NOL4: variants seen among roughly 807,000 people sequenced by gnomAD.
The protein encoded by NOL4 is nucleolar protein 4, also known as cancer/testis antigen 125.
A neutral mutation model predicts 75.9 loss-of-function variants in NOL4; 17 were observed. That is an observed-to-expected ratio of 0.22 (90% confidence interval 0.15 to 0.34). The LOEUF (loss-of-function observed/expected upper bound fraction) is 0.34. Ranked by LOEUF, NOL4 falls within the 10% of genes least tolerant of loss-of-function variation. The pLI is 1.00. For synonymous variants in NOL4, 292 were observed against 289.9 expected (o/e 1.01, Z -0.07); for missense variants, 614 against 793.5 (o/e 0.77, Z 2.72).
Position 34,001,001 on chromosome 18 carries a change from T to C in NOL4, c.1056+18317A>G, listed in dbSNP as rs569227080. 3.9e-5 allele frequency among the ~76,000 whole-genome samples: 6 copies of C among 152,240 alleles called. No homozygotes were observed. In the East Asian group the frequency reaches 1.2e-3, roughly 30 times the overall value. On this transcript the variant is annotated intron_variant, in intron 6 of 10. Coordinates refer to ENST00000261592, the MANE Select transcript of NOL4 (RefSeq NM_003787.5). ...TAACAAAAATAAAATGTAAACAGTT[T>C]AAACTCTGAAATGGTAGGTCCTCAC...
chr18:33,867,454 A>G (rs2063488257), intron 10 of NOL4, among the ~76,000 whole-genome samples: 1 of 152,188 alleles, frequency 6.6e-6, no homozygotes, highest in Non-Finnish European at 1.5e-5. Flanking sequence ...TACAACTGAC[A>G]GTAAAAAATT....
At chr18:34,140,968 A>G (rs1038501318) in intron 1 of NOL4, among the ~76,000 whole-genome samples, 1 of 152,172 alleles carries the variant, frequency 6.6e-6, no homozygotes, top group African/African-American at 2.4e-5. Context: ...TTAAGCGCAT[A>G]AGCAACTTCA....
intron 2 of NOL4, among the ~76,000 whole-genome samples, chr18:34,120,581 A>G (rs924259743): frequency 2.0e-5 from 3 of 152,238 alleles, no homozygotes; most frequent in Non-Finnish European, 4.4e-5. Context: ...GAAGGTATAA[A>G]GCAGGCAGGA....
At chr18:33,876,728 C>T (rs966442682) in intron 10 of NOL4, among the ~76,000 whole-genome samples, 1 of 151,942 alleles carries the variant, frequency 6.6e-6, no homozygotes, top group African/African-American at 2.4e-5. Flanking sequence ...AGAAAGTACA[C>T]AAATAAAGGA....
intron 1 of NOL4, among the ~76,000 whole-genome samples, chr18:34,156,875 C>T (rs1056226042): frequency 1.3e-5 from 2 of 152,206 alleles, no homozygotes; most frequent in African/African-American, 4.8e-5. Flanking sequence ...TCATCATGGC[C>T]CACAGAGTCA....
chr18:34,217,578 C>T (rs539600084), intron 1 of NOL4, among the ~76,000 whole-genome samples: 5 of 152,190 alleles, frequency 3.3e-5, no homozygotes, highest in South Asian at 2.1e-4. Flanking sequence ...TGAGCCACCG[C>T]GCTTGACCTT....
chr18:34,216,456 T>C (rs967202239), intron 1 of NOL4, among the ~76,000 whole-genome samples: 1 of 151,930 alleles, frequency 6.6e-6, no homozygotes, highest in African/African-American at 2.4e-5. Flanking sequence ...TGATAAACTG[T>C]AATTAGAGTC....
At chr18:34,173,107 G>A (rs1329633491) in intron 1 of NOL4, among the ~76,000 whole-genome samples, 8 of 151,980 alleles carry the variant, frequency 5.3e-5, no homozygotes, top group South Asian at 2.1e-4. Context: ...CAACATGGAT[G>A]AGCCTAGAGG....
chr18:33,907,354 G>T (rs959423480), intron 9 of NOL4, among the ~76,000 whole-genome samples: 37 of 142,624 alleles, frequency 2.6e-4, no homozygotes, highest in African/African-American at 9.0e-4. Context: ...GACCTTGAAA[G>T]AAATAATAAT....
chr18:34,120,289 A>G (rs1190994806), intron 2 of NOL4, among the ~76,000 whole-genome samples: 3 of 152,202 alleles, frequency 2.0e-5, no homozygotes, highest in South Asian at 2.1e-4. Context: ...CCAACATTCT[A>G]TATCGACAGC....
intron 10 of NOL4, among the ~76,000 whole-genome samples, chr18:33,855,627 C>A (rs914239085): frequency 6.6e-6 from 1 of 151,964 alleles, no homozygotes; most frequent in African/African-American, 2.4e-5. Flanking sequence ...CAAAGTGATG[C>A]GAACCTGCTT....
At chr18:34,026,820 G>A (rs549706048) in intron 5 of NOL4, among the ~76,000 whole-genome samples, 7 of 152,066 alleles carry the variant, frequency 4.6e-5, no homozygotes, top group Admixed American at 3.3e-4. Context: ...GGAGTTTATC[G>A]ACATCTTAAA....
intron 10 of NOL4, among the ~76,000 whole-genome samples, chr18:33,879,384 T>C (rs2064121887): frequency 6.6e-6 from 1 of 152,004 alleles, no homozygotes; most frequent in African/African-American, 2.4e-5. Flanking sequence ...TATAAAGGTA[T>C]TTCCTGGCTG....
intron 9 of NOL4, among the ~76,000 whole-genome samples, chr18:33,923,382 T>C (rs1021059993): frequency 6.6e-6 from 1 of 151,960 alleles, no homozygotes; most frequent in Admixed American, 6.5e-5. Context: ...ATCATTGAAA[T>C]AGAATTTTTT....
chr18:33,873,922 GA>G (rs1266413730), intron 10 of NOL4, among the ~76,000 whole-genome samples: 6 of 151,858 alleles, frequency 4.0e-5, no homozygotes, highest in Middle Eastern at 3.2e-3. Flanking sequence ...GTATCTTAGG[GA>G]ACATAATAGC....
At chr18:33,980,021 ATATAAGGAGC>A (rs2071821754) in intron 6 of NOL4, among the ~76,000 whole-genome samples, 3 of 152,088 alleles carry the variant, frequency 2.0e-5, no homozygotes, top group South Asian at 4.1e-4. Flanking sequence ...CCACTCCAAC[ATATAAGGAGC>A]TTAGTTGTTG....
chr18:34,109,775 C>T (rs2079495309), intron 2 of NOL4, among the ~76,000 whole-genome samples: 1 of 150,894 alleles, frequency 6.6e-6, no homozygotes, highest in African/African-American at 2.4e-5. Flanking sequence ...TTTACCTAGA[C>T]CAAGAAACAG....
chr18:34,012,877 T>C (rs1169273510), intron 6 of NOL4, among the ~76,000 whole-genome samples: 7 of 152,016 alleles, frequency 4.6e-5, no homozygotes, highest in African/African-American at 1.7e-4. Flanking sequence ...TTGCCTGTCA[T>C]AGTCACCACA....
At chr18:34,221,565 G>T (rs79529288) in intron 1 of NOL4, 7,128 of 149,516 alleles carry the variant, frequency 0.048, 247 homozygotes, top group Non-Finnish European at 0.074. Context: ...CACCTTTATA[G>T]GTCCAACTCT....
Sources: gnomAD v4.1 joint callset for allele counts (sites outside exome capture counted in the v4.1 genomes callset) on GRCh38, gnomAD v4.1.1 for gene constraint, MANE v1.5 for transcripts, NCBI Gene and HGNC (gene_info 2026-07-23, HGNC 2026-07-21) for gene names.